Variants in STRIP2 observed in about 807,000 individuals in gnomAD.
STRIP2 encodes the protein striatin interacting protein 2, also known as striatin-interacting protein 2.
In STRIP2, 84 loss-of-function variants were observed where a neutral mutation model predicts 107.1. The ratio of observed to expected loss-of-function variants is 0.78; its 90% CI spans 0.66 to 0.94. The LOEUF is 0.94. Ranked by LOEUF, STRIP2 falls within the 40% of genes least tolerant of loss-of-function variation. The pLI is 0.00. For synonymous variants in STRIP2, 394 were observed against 400.4 expected (o/e 0.98, Z 0.19); for missense variants, 888 against 1,034.2 (o/e 0.86, Z 1.94).
At position 129,434,487 on chromosome 7, in the gene STRIP2, C is replaced by T. The variant is rs1299308896; in HGVS notation, c.15C>T (p.Ala5=). ...TGACCAGCAGCATGGAGGACCCCGCCGCGCCTGGGACCGGGGGCCCGCCCG... is the reference window on the plus strand; with the variant it reads ...TGACCAGCAGCATGGAGGACCCCGCTGCGCCTGGGACCGGGGGCCCGCCCG... MEDP[A]APGTGGPPAN... Residue 5 remains alanine, a synonymous_variant, in exon 1 of 21, where the codon GCC becomes GCT. Transcript: ENST00000249344. The T allele has an allele frequency of 3.3e-6, 5 of 1,514,930 alleles. No homozygotes were observed. Among genetic ancestry groups the T allele is most frequent in the South Asian group, 2.4e-5 (2 of 81,816 alleles). The allele number at this position is 1,514,930 out of a possible 1,614,324, so 93.8% of individuals were successfully genotyped here.
At chr7:129,457,295 A>G (rs1798391199) in intron 9 of STRIP2, among the ~76,000 whole-genome samples, 2 of 152,254 alleles carry the variant, frequency 1.3e-5, no homozygotes, top group South Asian at 4.1e-4. Context: ...ACAAACCTGT[A>G]CAGCAGGTTA....
chr7:129,486,073 A>G lies in STRIP2; in HGVS notation c.*244A>G, dbSNP rs1799239433. 1 of 458,724 alleles carries G rather than the reference A, an allele frequency of 2.2e-6. No homozygotes were observed. The highest frequency in any genetic ancestry group is 3.9e-6 in the Non-Finnish European group (1 of 253,500). 28.4% of individuals were successfully genotyped at this position (458,724 alleles called of 1,614,324 possible). On this transcript the variant is annotated 3_prime_UTR_variant, in exon 21 of 21. Coordinates refer to ENST00000249344, the MANE Select transcript of STRIP2 (RefSeq NM_020704.3). Reference sequence around the variant, plus strand: ...ATCAATTCTAGACAAGCTCTTTGGTAGGACCTTTTCCTGCTTTAGTCTTGG... The same window carrying G: ...ATCAATTCTAGACAAGCTCTTTGGTGGGACCTTTTCCTGCTTTAGTCTTGG...
chr7:129,443,387 G>A (rs772223514), intron 2 of STRIP2, among the ~76,000 whole-genome samples: 2 of 152,134 alleles, frequency 1.3e-5, no homozygotes, highest in Non-Finnish European at 1.5e-5. Context: ...ATTTTGTATT[G>A]AGAGGCTGCT....
chr7:129,447,482 AT>A (rs1798067674), intron 3 of STRIP2, among the ~76,000 whole-genome samples: 1 of 152,236 alleles, frequency 6.6e-6, no homozygotes, highest in Admixed American at 6.5e-5. Context: ...AGTCCACTGC[AT>A]TTGCTACTTC....
rs1798004206 is a variant in STRIP2 at position 129,445,236 on chromosome 7, T to A, written c.274+1138T>A. The stretch of plus-strand genomic sequence containing the variant: ...TATTCCATGCATACTCTTCCTTACC[T>A]CCGTTGTGGAGTAGTAGACTGATTT... On this transcript the variant is annotated intron_variant, in intron 3 of 20. Coordinates refer to ENST00000249344, the MANE Select transcript of STRIP2 (RefSeq NM_020704.3). Among the ~76,000 whole-genome samples the A allele has an allele frequency of 2.6e-5, 4 of 152,066 alleles. No individual in the cohort carries two copies. The South Asian group carries it at 8.3e-4, about 32-fold the overall frequency.
At position 129,455,094 on chromosome 7, in the gene STRIP2, G is replaced by A. The variant is rs1257274306; in HGVS notation, c.707-150G>A. 24 of 958,818 alleles carry A rather than the reference G, an allele frequency of 2.5e-5. No homozygotes were observed. The Admixed American group carries it at 6.7e-4, about 27-fold the overall frequency. 59.4% of individuals were successfully genotyped at this position (958,818 alleles called of 1,614,324 possible). A position where few individuals can be genotyped will look rare whatever the true frequency, so the allele number is the denominator to read the frequency against. On this transcript the variant is annotated intron_variant, in intron 7 of 20. Coordinates refer to ENST00000249344, the MANE Select transcript of STRIP2 (RefSeq NM_020704.3). ...CCTGCCCTTGAGGGGCTTCCTTCTGGGGGCTAAGCCTCCTTCTCAGGACCA... is the reference window on the plus strand; with the variant it reads ...CCTGCCCTTGAGGGGCTTCCTTCTGAGGGCTAAGCCTCCTTCTCAGGACCA...
chr7:129,463,100 A>G lies in STRIP2; in HGVS notation c.1551+60A>G. ...TGCTGCAAGGAACAGACAGCTAAAA[A>G]CCATTTCAAGTGGACCTGTCCAACA... On this transcript the variant is annotated intron_variant, in intron 14 of 20. Transcript: ENST00000249344. The G allele has an allele frequency of 3.5e-6, 5 of 1,437,278 alleles. No homozygotes were observed. The Admixed American group carries it at 5.7e-5, about 16-fold the overall frequency. 89.0% of individuals were successfully genotyped at this position (1,437,278 alleles called of 1,614,324 possible). A position where few individuals can be genotyped will look rare whatever the true frequency, so the allele number is the denominator to read the frequency against.
chr7:129,435,040 C>T (rs955810359), intron 1 of STRIP2, among the ~76,000 whole-genome samples: 1 of 152,130 alleles, frequency 6.6e-6, no homozygotes, highest in Non-Finnish European at 1.5e-5. Flanking sequence ...AACCGCAGTC[C>T]CCCTCCCAGG....
At chr7:129,475,718 G>C (rs918450205) in intron 18 of STRIP2, among the ~76,000 whole-genome samples, 10 of 152,030 alleles carry the variant, frequency 6.6e-5, no homozygotes, top group African/African-American at 2.4e-4. Flanking sequence ...GCGGCCTACC[G>C]CAGTGTTTGT....
chr7:129,485,472 A>T, intron 20 of STRIP2, 107 bp from the exon 21 acceptor site: 3 of 1,255,186 alleles, frequency 2.4e-6, no homozygotes, highest in Non-Finnish European at 3.2e-6. Flanking sequence ...AAAAAAAAAA[A>T]GAATTTCTGA....
At chr7:129,485,481 GA>G in intron 20 of STRIP2, 97 bp from the exon 21 acceptor site, 1 of 1,148,808 alleles carries the variant, frequency 8.7e-7, no homozygotes, top group Non-Finnish European at 1.2e-6. Flanking sequence ...AAGAATTTCT[GA>G]GCAGTTCCAT....
In STRIP2 at chr7:129,443,041, CT is replaced by C. The variant is rs35651639; in HGVS notation, c.200-969del. 9.8e-3 allele frequency among the ~76,000 whole-genome samples: 1,384 copies of C among 141,346 alleles called. 11 individuals carry two copies. Among genetic ancestry groups the C allele is most frequent in the African/African-American group, 0.026 (1,005 of 38,478 alleles). 92.7% of individuals were successfully genotyped at this position (141,346 alleles called of 152,430 possible). On this transcript the variant is annotated intron_variant, in intron 2 of 20. Coordinates refer to ENST00000249344, the MANE Select transcript of STRIP2 (RefSeq NM_020704.3). ...TTTTTATTTCTTTTCTTCTTTCTTT[CT>C]TTTTTTTTTTTTTAAGAGACAGAGT... is the stretch of plus-strand genomic sequence containing the variant.
chr7:129,444,566 A>G (rs1016413048), intron 3 of STRIP2, among the ~76,000 whole-genome samples: 2 of 152,226 alleles, frequency 1.3e-5, no homozygotes, highest in Non-Finnish European at 2.9e-5. Flanking sequence ...TCTTCTGGCA[A>G]CATCCTCACA....
At position 129,486,123 on chromosome 7, in the gene STRIP2, G is replaced by C. The variant is rs1799240289; in HGVS notation, c.*294G>C. 6.4e-6 allele frequency: 2 copies of C among 314,156 alleles called. No individual in the cohort carries two copies. Among genetic ancestry groups the C allele is most frequent in the Admixed American group, 8.7e-5 (2 of 22,952 alleles). The allele number at this position is 314,156 out of a possible 1,614,324, so 19.5% of individuals were successfully genotyped here. On this transcript the variant is annotated 3_prime_UTR_variant, in exon 21 of 21. Transcript: ENST00000249344. The stretch of plus-strand genomic sequence containing the variant: ...GCTACAACCAGGCTAGACTTTGCTG[G>C]CTCTAAAAGAGGAAATTTGTTATGG...
chr7:129,460,425 G>T (rs1416616711), intron 13 of STRIP2, 53 bp downstream of exon 13: 1 of 1,481,652 alleles, frequency 6.7e-7, no homozygotes, highest in African/African-American at 1.4e-5. Flanking sequence ...CCTGTCTTCA[G>T]TGTTGTCACA....
chr7:129,465,159 G>T (rs1798641836), intron 16 of STRIP2, among the ~76,000 whole-genome samples: 1 of 152,102 alleles, frequency 6.6e-6, no homozygotes, highest in Non-Finnish European at 1.5e-5. Context: ...GCTCTTCAGG[G>T]CCTTGAAACC....
chr7:129,452,931 G>A (rs1051507106), intron 4 of STRIP2, among the ~76,000 whole-genome samples: 3 of 152,136 alleles, frequency 2.0e-5, no homozygotes, highest in African/African-American at 7.2e-5. Flanking sequence ...TGATTCCTGG[G>A]AATGATTCCC....
chr7:129,466,147 G>A (rs1441325252), intron 16 of STRIP2, among the ~76,000 whole-genome samples: 2 of 152,118 alleles, frequency 1.3e-5, no homozygotes, highest in African/African-American at 2.4e-5. Context: ...TTTTCTTGGT[G>A]GGAAGTATGT....
intron 18 of STRIP2, among the ~76,000 whole-genome samples, chr7:129,476,623 C>T (rs1302898702): frequency 6.6e-6 from 1 of 151,402 alleles, no homozygotes; most frequent in Admixed American, 6.6e-5. Context: ...GATGGGCGGC[C>T]GGGCAGAGAC....
Sources: allele counts gnomAD v4.1 joint callset (sites outside exome capture counted in the v4.1 genomes callset), GRCh38; gene constraint gnomAD v4.1.1; transcripts MANE v1.5; gene names NCBI Gene and HGNC (gene_info 2026-07-23, HGNC 2026-07-21).